The following GRID2 variants were observed in gnomAD, a reference collection of about 807,000 sequenced individuals.
GRID2 encodes glutamate ionotropic receptor delta type subunit 2.
Under a neutral mutation model 114.8 loss-of-function variants are expected in GRID2, and 33 were observed. The ratio of observed to expected loss-of-function variants is 0.29; its 90% CI spans 0.22 to 0.38. The LOEUF (loss-of-function observed/expected upper bound fraction) is 0.38, where lower values mean the gene tolerates loss of function less well. GRID2 is among the 10% of genes least tolerant of loss of function. GRID2 has a pLI of 1.00. For missense variants in GRID2, 1,184 were observed against 1,257.7 expected (o/e 0.94, Z 0.89); for synonymous variants, 505 against 449.9 (o/e 1.12, Z -1.55).
At chr4:93,520,863 A>G (rs1730264594) in intron 13 of GRID2, among the ~76,000 whole-genome samples, 1 of 152,154 alleles carries the variant, frequency 6.6e-6, no homozygotes, top group African/African-American at 2.4e-5. Flanking sequence ...AGTTTTGAGC[A>G]GAAGAGTGAC....
chr4:92,469,879 G>A (rs1464235570), intron 1 of GRID2, among the ~76,000 whole-genome samples: 1 of 151,710 alleles, frequency 6.6e-6, no homozygotes, highest in Non-Finnish European at 1.5e-5. Context: ...AGAGTTAATT[G>A]CTTTTAGAAT....
chr4:93,013,469 G>T (rs1722385120), intron 2 of GRID2, among the ~76,000 whole-genome samples: 1 of 151,802 alleles, frequency 6.6e-6, no homozygotes, highest in South Asian at 2.1e-4. Flanking sequence ...TTTAGCAAGG[G>T]TGCTAAAAAT....
chr4:92,515,132 AG>A (rs145887257), intron 1 of GRID2, among the ~76,000 whole-genome samples: 5,044 of 151,986 alleles, frequency 0.033, 283 homozygotes, highest in African/African-American at 0.11. Context: ...GTGATGACTT[AG>A]TATAAATTAT....
intron 7 of GRID2, among the ~76,000 whole-genome samples, chr4:93,236,412 T>G (rs1451071123): frequency 3.9e-5 from 6 of 152,020 alleles, no homozygotes; most frequent in Admixed American, 3.9e-4. Context: ...ATAGGTTTAT[T>G]TCTCACCACA....
At chr4:93,723,890 G>A (rs35854135) in intron 14 of GRID2, among the ~76,000 whole-genome samples, 9,065 of 152,148 alleles carry the variant, frequency 0.06, 354 homozygotes, top group East Asian at 0.1. Context: ...CCAATTAAAG[G>A]CAGACTACAT....
At chr4:93,692,304 ATATGAAGTAAAAGCTTTCCAG>A (rs1726639570) in intron 14 of GRID2, among the ~76,000 whole-genome samples, 1 of 152,116 alleles carries the variant, frequency 6.6e-6, no homozygotes, top group Non-Finnish European at 1.5e-5. Context: ...AGCCACATGG[ATATGAAGTAAAAGCTTTCCAG>A]GCAGAGCAAA....
rs77736427 is a variant in GRID2 at position 92,825,403 on chromosome 4, A to G, written c.244+235117A>G. On this transcript the variant is annotated intron_variant, in intron 2 of 15. Transcript: ENST00000282020. ...AGCAGCTCTGCTTATCAGTTGTGCT[A>G]TGGCACCGAGGAGGGTTACAAACAT... 7.2e-3 allele frequency among the ~76,000 whole-genome samples: 1,094 copies of G among 152,238 alleles called. 8 individuals are homozygous for G. Among genetic ancestry groups the G allele is most frequent in the Non-Finnish European group, 0.011 (759 of 67,996 alleles).
intron 2 of GRID2, among the ~76,000 whole-genome samples, chr4:92,621,035 G>T: frequency 6.7e-6 from 1 of 149,478 alleles, no homozygotes; most frequent in East Asian, 2.0e-4. Context: ...GGCATTCTCA[G>T]ATCAGAGCTG....
intron 12 of GRID2, among the ~76,000 whole-genome samples, chr4:93,495,156 C>A (rs1727405273): frequency 6.6e-6 from 1 of 151,714 alleles, no homozygotes; most frequent in Non-Finnish European, 1.5e-5. Context: ...TGCTTTCATT[C>A]TCCATAATGC....
intron 2 of GRID2, among the ~76,000 whole-genome samples, chr4:92,989,144 G>A (rs1353416613): frequency 6.6e-6 from 1 of 151,628 alleles, no homozygotes; most frequent in East Asian, 1.9e-4. Context: ...GGGTGTGGTG[G>A]CACACGCCTG....
At chr4:93,006,377 A>G (rs1029651390) in intron 2 of GRID2, among the ~76,000 whole-genome samples, 7 of 152,036 alleles carry the variant, frequency 4.6e-5, no homozygotes, top group African/African-American at 1.7e-4. Flanking sequence ...TGAGAATCCC[A>G]TAGTGATACT....
intron 2 of GRID2, among the ~76,000 whole-genome samples, chr4:92,660,313 G>A (rs1732457233): frequency 6.6e-6 from 1 of 151,274 alleles, no homozygotes. Flanking sequence ...TATCCCTAAT[G>A]TATTTGTCTT....
At chr4:93,558,676 T>G (rs1275560926) in intron 13 of GRID2, among the ~76,000 whole-genome samples, 1 of 152,166 alleles carries the variant, frequency 6.6e-6, no homozygotes, top group South Asian at 2.1e-4. Context: ...GCTGGTACCA[T>G]TCTTTCTGAA....
intron 2 of GRID2, among the ~76,000 whole-genome samples, chr4:92,775,421 T>C (rs1738745470): frequency 6.6e-6 from 1 of 152,150 alleles, no homozygotes. Flanking sequence ...CTCAGATCAG[T>C]CATCTCTAAA....
intron 2 of GRID2, among the ~76,000 whole-genome samples, chr4:92,829,981 G>A (rs1429926442): frequency 6.6e-6 from 1 of 151,870 alleles, no homozygotes; most frequent in African/African-American, 2.4e-5. Flanking sequence ...CCTAATACAT[G>A]TGGGGCTGAA....
chr4:93,100,183 T>C lies in GRID2; in HGVS notation c.530-10565T>C, dbSNP rs2149339332. 3.3e-5 allele frequency among the ~76,000 whole-genome samples: 5 copies of C among 152,062 alleles called. No homozygotes were observed. In the South Asian group the frequency reaches 1.0e-3, roughly 31 times the overall value. On this transcript the variant is annotated intron_variant, in intron 3 of 15. Transcript: ENST00000282020. ...GGATTTATTCATAAGTAAAATGTTC[T>C]TAACAAATATTGATCAGCATCAATG...
chr4:92,750,997 T>A (rs1040918063), intron 2 of GRID2, among the ~76,000 whole-genome samples: 6 of 152,188 alleles, frequency 3.9e-5, no homozygotes, highest in African/African-American at 1.4e-4. Context: ...AAGAAAATCG[T>A]ATTTCACTAG....
intron 8 of GRID2, among the ~76,000 whole-genome samples, chr4:93,383,275 C>A (rs536565778): frequency 6.6e-6 from 1 of 152,110 alleles, no homozygotes; most frequent in African/African-American, 2.4e-5. Context: ...AGTAAGCAAT[C>A]AGAGCACAGA....
intron 4 of GRID2, among the ~76,000 whole-genome samples, chr4:93,138,551 A>C (rs1047323243): frequency 6.6e-6 from 1 of 152,132 alleles, no homozygotes; most frequent in African/African-American, 2.4e-5. Flanking sequence ...AAATTGACTC[A>C]TTGAATCTTG....
Sources: allele counts gnomAD v4.1 joint callset (sites outside exome capture counted in the v4.1 genomes callset), GRCh38; gene constraint gnomAD v4.1.1; transcripts MANE v1.5; gene names NCBI Gene and HGNC (gene_info 2026-07-23, HGNC 2026-07-21).